The following ZNF385D variants were observed in gnomAD, a reference collection of about 807,000 sequenced individuals.
ZNF385D encodes zinc finger protein 659.
In ZNF385D, 15 loss-of-function variants were observed where a neutral mutation model predicts 35.8. The ratio of observed to expected loss-of-function variants is 0.42; its 90% CI spans 0.28 to 0.64. The LOEUF is 0.64. ZNF385D is among the 30% of genes least tolerant of loss of function. ZNF385D has a pLI of 0.23. For missense variants in ZNF385D, 474 were observed against 494.6 expected, an observed-to-expected ratio of 0.96 and a Z score of 0.39; for synonymous variants, 212 against 186.8, an observed-to-expected ratio of 1.13 and a Z score of -1.10.
intron 3 of ZNF385D, among the ~76,000 whole-genome samples, chr3:22,032,042 G>A (rs555487356): frequency 4.6e-5 from 7 of 152,204 alleles, no homozygotes; most frequent in Admixed American, 3.9e-4. Flanking sequence ...CATAGCAAGA[G>A]TGACCTTTGC....
chr3:21,598,796 T>G (rs1481128044), intron 2 of ZNF385D, among the ~76,000 whole-genome samples: 1 of 152,224 alleles, frequency 6.6e-6, no homozygotes, highest in African/African-American at 2.4e-5. Flanking sequence ...TCACGACATA[T>G]GTTCTCATGA....
intron 3 of ZNF385D, among the ~76,000 whole-genome samples, chr3:21,783,606 C>G (rs960085332): frequency 6.6e-6 from 1 of 152,052 alleles, no homozygotes; most frequent in Non-Finnish European, 1.5e-5. Context: ...TAAGAGAGCC[C>G]ATTCAGTCTC....
chr3:21,988,778 C>A (rs1203004704), intron 3 of ZNF385D, among the ~76,000 whole-genome samples: 1 of 151,910 alleles, frequency 6.6e-6, no homozygotes, highest in African/African-American at 2.4e-5. Context: ...CTCGCTGCCG[C>A]TTTGCAGTTT....
In ZNF385D at chr3:21,953,525, T is replaced by C. The variant is rs1490651581; in HGVS notation, c.325+215292A>G. On this transcript the variant is annotated intron_variant, in intron 3 of 5. Transcript: ENST00000494108. ...TACTTCTAAGAAAAGTTTTATCAAA[T>C]GGCTAAAATACAGTTTATTCAATAG... 2.0e-5 allele frequency among the ~76,000 whole-genome samples: 3 copies of C among 152,078 alleles called. No homozygotes were observed. In the East Asian group the frequency reaches 5.8e-4, roughly 29 times the overall value.
intron 3 of ZNF385D, among the ~76,000 whole-genome samples, chr3:22,104,720 A>G (rs1180058253): frequency 6.6e-6 from 1 of 152,166 alleles, no homozygotes; most frequent in African/African-American, 2.4e-5. Flanking sequence ...AATCAAAAGC[A>G]CTAGCAAATA....
intron 3 of ZNF385D, among the ~76,000 whole-genome samples, chr3:22,029,159 C>G (rs1410092264): frequency 6.6e-6 from 1 of 152,166 alleles, no homozygotes; most frequent in Non-Finnish European, 1.5e-5. Context: ...ATGATCGCCA[C>G]CTGGACACTT....
intron 3 of ZNF385D, among the ~76,000 whole-genome samples, chr3:21,939,400 T>C (rs963742854): frequency 2.0e-5 from 3 of 152,110 alleles, no homozygotes; most frequent in Non-Finnish European, 4.4e-5. Flanking sequence ...AATCAAAACA[T>C]AGTTTGACCT....
chr3:21,931,128 T>C (rs1425939331), intron 3 of ZNF385D, among the ~76,000 whole-genome samples: 1 of 152,054 alleles, frequency 6.6e-6, no homozygotes, highest in African/African-American at 2.4e-5. Flanking sequence ...CAAATAAAAT[T>C]AAACATGGAG....
chr3:21,762,809 T>C (rs1217427351), intron 3 of ZNF385D, among the ~76,000 whole-genome samples: 2 of 152,168 alleles, frequency 1.3e-5, no homozygotes, highest in African/African-American at 4.8e-5. Context: ...CAATATGGGA[T>C]TGAAAAGGCC....
intron 1 of ZNF385D, among the ~76,000 whole-genome samples, chr3:21,688,015 C>T (rs1351077027): frequency 6.6e-6 from 1 of 152,068 alleles, no homozygotes; most frequent in Admixed American, 6.6e-5. Context: ...CTACCTTAGC[C>T]TCCCATAGTG....
intron 2 of ZNF385D, among the ~76,000 whole-genome samples, chr3:22,292,427 G>C (rs961943274): frequency 3.3e-5 from 5 of 151,984 alleles, no homozygotes; most frequent in African/African-American, 1.2e-4. Flanking sequence ...AGCCATTGTA[G>C]GCTTTAATTA....
intron 3 of ZNF385D, among the ~76,000 whole-genome samples, chr3:21,561,550 T>TTGATCTCA (rs1263114536): frequency 7.2e-5 from 11 of 152,188 alleles, no homozygotes; most frequent in Non-Finnish European, 1.2e-4. Context: ...GCCTTCTGCG[T>TTGATCTCA]TGATCTCACT....
chr3:21,453,331 T>C (rs1702583898), intron 4 of ZNF385D, among the ~76,000 whole-genome samples: 1 of 151,818 alleles, frequency 6.6e-6, no homozygotes, highest in Admixed American at 6.6e-5. Context: ...AAAATGGAAA[T>C]AAAAGCATGA....
intron 1 of ZNF385D, among the ~76,000 whole-genome samples, chr3:21,710,608 T>C (rs1184738070): frequency 6.6e-6 from 1 of 152,192 alleles, no homozygotes; most frequent in Admixed American, 6.5e-5. Context: ...GCTTTGATGC[T>C]CAGTTGTTTT....
intron 2 of ZNF385D, among the ~76,000 whole-genome samples, chr3:22,171,096 A>C (rs1272004945): frequency 6.8e-6 from 1 of 147,482 alleles, no homozygotes; most frequent in Non-Finnish European, 1.5e-5. Flanking sequence ...AAAATTGCAC[A>C]TGATGACCAT....
At chr3:22,289,804 T>C (rs142714031) in intron 2 of ZNF385D, among the ~76,000 whole-genome samples, 397 of 152,182 alleles carry the variant, frequency 2.6e-3, no homozygotes, top group Non-Finnish European at 4.4e-3. Flanking sequence ...TCGATAGACC[T>C]GGATTTACCC....
intron 3 of ZNF385D, among the ~76,000 whole-genome samples, chr3:22,037,885 G>C (rs769664107): frequency 6.6e-6 from 1 of 152,178 alleles, no homozygotes; most frequent in Admixed American, 6.6e-5. Context: ...CAGAGATATA[G>C]ACCAATGGAA....
chr3:21,435,405 A>G (rs944997344), intron 5 of ZNF385D, among the ~76,000 whole-genome samples: 2 of 151,932 alleles, frequency 1.3e-5, no homozygotes, highest in Non-Finnish European at 2.9e-5. Context: ...CTACAGGCAC[A>G]TGCCACCATG....
At chr3:22,093,480 T>C (rs1701436351) in intron 3 of ZNF385D, among the ~76,000 whole-genome samples, 1 of 152,030 alleles carries the variant, frequency 6.6e-6, no homozygotes, top group South Asian at 2.1e-4. Context: ...ACAAAATTTA[T>C]CTTTCACAAA....
Sources: allele counts gnomAD v4.1 joint callset (sites outside exome capture counted in the v4.1 genomes callset), GRCh38; gene constraint gnomAD v4.1.1; transcripts MANE v1.5; gene names NCBI Gene and HGNC (gene_info 2026-07-23, HGNC 2026-07-21).